Variants in TENM2 observed in about 807,000 individuals in gnomAD.
TENM2 encodes the protein teneurin-2.
TENM2 carries 52 observed loss-of-function variants against 245.2 expected under a neutral mutation model. The ratio of observed to expected loss-of-function variants is 0.21; its 90% CI spans 0.17 to 0.27. The LOEUF (loss-of-function observed/expected upper bound fraction) is 0.27, where lower values mean the gene tolerates loss of function less well. TENM2 is among the 10% of genes least tolerant of loss of function. The probability of loss-of-function intolerance (pLI) is 1.00; values close to 1 mark genes in which losing one functional copy is unlikely to be tolerated. For synonymous variants in TENM2, 1,363 were observed against 1,438.9 expected (o/e 0.95, Z 1.19); for missense variants, 3,046 against 3,666.8 (o/e 0.83, Z 4.37).
chr5:167,240,500 AACAG>A, the TENM2 span, among the ~76,000 whole-genome samples: 24 of 152,326 alleles, frequency 1.6e-4, no homozygotes, highest in African/African-American at 5.3e-4. Flanking sequence ...GGAAAAAGAA[AACAG>A]ACAGCCCAAC....
intron 10 of TENM2, among the ~76,000 whole-genome samples, chr5:168,118,878 T>A (rs1795277796): frequency 6.6e-6 from 1 of 152,182 alleles, no homozygotes; most frequent in Admixed American, 6.5e-5. Flanking sequence ...TCTTTTCTCC[T>A]GCTTTATTTA....
At chr5:167,169,526 A>G in the TENM2 span, among the ~76,000 whole-genome samples, 1 of 152,138 alleles carries the variant, frequency 6.6e-6, no homozygotes, top group Non-Finnish European at 1.5e-5. Flanking sequence ...TCCCTGTAAA[A>G]TAATCAGGGC....
intron 2 of TENM2, among the ~76,000 whole-genome samples, chr5:167,514,635 T>C (rs1338995364): frequency 6.6e-6 from 1 of 152,182 alleles, no homozygotes; most frequent in Non-Finnish European, 1.5e-5. Flanking sequence ...CAAGTGCTTC[T>C]TGGAAGAGGT....
At chr5:167,459,933 CACGCACACACACACACA>C (rs1766188492) in intron 2 of TENM2, among the ~76,000 whole-genome samples, 1 of 151,546 alleles carries the variant, frequency 6.6e-6, no homozygotes, top group Non-Finnish European at 1.5e-5. Flanking sequence ...CACACACACA[CACGCACACACACACACA>C]ACACACACTC....
chr5:167,633,391 GA>G (rs568990260), intron 2 of TENM2, among the ~76,000 whole-genome samples: 3 of 149,338 alleles, frequency 2.0e-5, no homozygotes, highest in Non-Finnish European at 3.0e-5. Flanking sequence ...CAGGCTTCCA[GA>G]AAAAAAAAAT....
chr5:167,694,761 T>C (rs1338493606), intron 2 of TENM2, among the ~76,000 whole-genome samples: 1 of 152,152 alleles, frequency 6.6e-6, no homozygotes, highest in East Asian at 1.9e-4. Context: ...GTGCGTTAAG[T>C]GAAACTAACT....
intron 2 of TENM2, among the ~76,000 whole-genome samples, chr5:167,403,992 T>TA (rs1335820194): frequency 6.6e-6 from 1 of 152,090 alleles, no homozygotes; most frequent in African/African-American, 2.4e-5. Flanking sequence ...CTGCATGTTT[T>TA]AAAACATGTG....
intron 2 of TENM2, among the ~76,000 whole-genome samples, chr5:167,437,719 T>C (rs1005920237): frequency 8.5e-5 from 13 of 152,268 alleles, no homozygotes; most frequent in Middle Eastern, 3.4e-3. Context: ...TTTCCTGCCC[T>C]GTTCTTGTGA....
At chr5:168,115,488 G>C (rs1005585440) in intron 9 of TENM2, among the ~76,000 whole-genome samples, 1 of 151,996 alleles carries the variant, frequency 6.6e-6, no homozygotes, top group Non-Finnish European at 1.5e-5. Flanking sequence ...CAAAAATTTT[G>C]CACCTTACTT....
intron 2 of TENM2, among the ~76,000 whole-genome samples, chr5:167,456,455 A>G (rs564215332): frequency 1.3e-5 from 2 of 152,210 alleles, no homozygotes; most frequent in East Asian, 3.9e-4. Flanking sequence ...TACTAAGTCC[A>G]TTTCTTGTTG....
At position 167,820,704 on chromosome 5, in the gene TENM2, A is replaced by G. The variant is rs76793624; in HGVS notation, c.503-55282A>G. On this transcript the variant is annotated intron_variant, in intron 2 of 28. Transcript: ENST00000518659. ...AGTGTATGCAGCTGTTGCTAACAAG[A>G]TATGACTGGCCCCTCAAACATAGTG... Among the ~76,000 whole-genome samples the G allele has an allele frequency of 2.6e-5, 4 of 152,324 alleles. No individual in the cohort carries two copies. In the East Asian group the frequency reaches 7.7e-4, roughly 29 times the overall value.
At position 168,146,139 on chromosome 5, in the gene TENM2, G is replaced by A. The variant is rs557525465; in HGVS notation, c.2423-16472G>A. Among the ~76,000 whole-genome samples, 4 of 151,824 alleles carry A rather than the reference G, an allele frequency of 2.6e-5. No individual in the cohort carries two copies. In the South Asian group the frequency reaches 8.4e-4, roughly 32 times the overall value. ...TGTCGTCTGCAAACAGGGACAATTTGACTTCCTCTTTTCCTAATTGAATAC... is the reference window on the plus strand; with the variant it reads ...TGTCGTCTGCAAACAGGGACAATTTAACTTCCTCTTTTCCTAATTGAATAC... On this transcript the variant is annotated intron_variant, in intron 12 of 28. Transcript: ENST00000518659.
intron 12 of TENM2, among the ~76,000 whole-genome samples, chr5:168,143,843 C>CTT (rs70976464): frequency 0.23 from 23,632 of 100,854 alleles, 3,249 homozygotes; most frequent in African/African-American, 0.29. Context: ...TACTACACTT[C>CTT]TTTTTTTTTT....
intron 2 of TENM2, among the ~76,000 whole-genome samples, chr5:167,437,500 A>G (rs1330770608): frequency 6.6e-6 from 1 of 152,160 alleles, no homozygotes; most frequent in Non-Finnish European, 1.5e-5. Context: ...TTTTGAGTTA[A>G]TGCTGAAATG....
At chr5:167,071,878 G>GCCCCCCCCCCCCCCCCCCC in the TENM2 span, among the ~76,000 whole-genome samples, 1 of 124,026 alleles carries the variant, frequency 8.1e-6, no homozygotes, top group Non-Finnish European at 1.7e-5. Context: ...TTGACAAATC[G>GCCCCCCCCCCCCCCCCCCC]CCCCCCCCCG....
chr5:168,208,211 TCTTAG>T (rs1267091043), intron 19 of TENM2, among the ~76,000 whole-genome samples: 1 of 152,230 alleles, frequency 6.6e-6, no homozygotes, highest in Non-Finnish European at 1.5e-5. Flanking sequence ...CTCTCCCTTT[TCTTAG>T]CTTAGCTCCT....
At chr5:167,814,344 A>G (rs1488095457) in intron 2 of TENM2, among the ~76,000 whole-genome samples, 2 of 152,020 alleles carry the variant, frequency 1.3e-5, no homozygotes, top group East Asian at 3.9e-4. Flanking sequence ...TAGCTGGGCT[A>G]TAGGACATAA....
the TENM2 span, among the ~76,000 whole-genome samples, chr5:167,170,284 T>C: frequency 6.6e-6 from 1 of 152,228 alleles, no homozygotes; most frequent in Non-Finnish European, 1.5e-5. Flanking sequence ...TCAAGCTTCA[T>C]TGGTTTGCAG....
chr5:167,830,357 C>T (rs2151088680), intron 2 of TENM2, among the ~76,000 whole-genome samples: 1 of 152,236 alleles, frequency 6.6e-6, no homozygotes, highest in South Asian at 2.1e-4. Context: ...TTAAAGAGAG[C>T]AGGCTCATTT....
Sources: gnomAD v4.1 joint callset for allele counts (sites outside exome capture counted in the v4.1 genomes callset) on GRCh38, gnomAD v4.1.1 for gene constraint, MANE v1.5 for transcripts, NCBI Gene and HGNC (gene_info 2026-07-23, HGNC 2026-07-21) for gene names.